The following HS3ST4 variants were observed in gnomAD, a reference collection of about 807,000 sequenced individuals.
HS3ST4 encodes the protein heparan sulfate-glucosamine 3-sulfotransferase 4.
HS3ST4 carries 17 observed loss-of-function variants against 29.2 expected under a neutral mutation model. The observed-to-expected ratio is 0.58, with a 90% CI of 0.40 to 0.87. The LOEUF is 0.87. HS3ST4 is among the 40% of genes least tolerant of loss of function. The pLI, the probability that HS3ST4 is intolerant of heterozygous loss-of-function variation, is 0.00. For synonymous variants in HS3ST4, 314 were observed against 285.7 expected, an observed-to-expected ratio of 1.10 and a Z score of -1.00; for missense variants, 627 against 634.5, an observed-to-expected ratio of 0.99 and a Z score of 0.13.
intron 1 of HS3ST4, among the ~76,000 whole-genome samples, chr16:26,121,423 T>G (rs1242777813): frequency 6.6e-6 from 1 of 152,228 alleles, no homozygotes; most frequent in Non-Finnish European, 1.5e-5. Flanking sequence ...GGAAGTCATC[T>G]TCTGAAAGAG....
chr16:25,916,605 G>T (rs201399363), intron 1 of HS3ST4, among the ~76,000 whole-genome samples: 1 of 149,760 alleles, frequency 6.7e-6, no homozygotes, highest in Admixed American at 6.6e-5. Context: ...CAGATGATCC[G>T]CCCGCCTTGG....
chr16:26,014,895 T>C (rs1223431365), intron 1 of HS3ST4, among the ~76,000 whole-genome samples: 1 of 152,214 alleles, frequency 6.6e-6, no homozygotes, highest in African/African-American at 2.4e-5. Flanking sequence ...TCCAGAGCTC[T>C]TTCCACCACA....
At chr16:26,019,369 C>A (rs1325322220) in intron 1 of HS3ST4, among the ~76,000 whole-genome samples, 1 of 152,144 alleles carries the variant, frequency 6.6e-6, no homozygotes, top group Non-Finnish European at 1.5e-5. Flanking sequence ...TATTTTAATG[C>A]TCTTAAGCAT....
intron 1 of HS3ST4, among the ~76,000 whole-genome samples, chr16:25,767,951 T>C (rs1382212230): frequency 3.9e-5 from 6 of 152,172 alleles, no homozygotes; most frequent in African/African-American, 1.2e-4. Context: ...TAAGGGTGGG[T>C]ACATGAACGA....
At chr16:25,816,149 C>T (rs1596579581) in intron 1 of HS3ST4, among the ~76,000 whole-genome samples, 3 of 152,126 alleles carry the variant, frequency 2.0e-5, no homozygotes, top group African/African-American at 7.2e-5. Context: ...ATCATGTGAC[C>T]ATGATTTACT....
intron 1 of HS3ST4, among the ~76,000 whole-genome samples, chr16:25,705,788 G>A (rs2141582636): frequency 6.6e-6 from 1 of 152,330 alleles, no homozygotes; most frequent in African/African-American, 2.4e-5. Flanking sequence ...GCATAGATTG[G>A]TGTGTAGAGC....
At chr16:26,108,640 G>C (rs921175830) in intron 1 of HS3ST4, among the ~76,000 whole-genome samples, 6 of 152,074 alleles carry the variant, frequency 3.9e-5, no homozygotes, top group South Asian at 4.1e-4. Flanking sequence ...TCACCCCAGA[G>C]GATCATTTTA....
In HS3ST4 at chr16:25,810,631, C is replaced by T. The variant is rs145818011; in HGVS notation, c.734+117480C>T. 1.4e-4 allele frequency among the ~76,000 whole-genome samples: 21 copies of T among 152,284 alleles called. No homozygotes were observed. In the East Asian group the frequency reaches 3.9e-3, roughly 28 times the overall value. On this transcript the variant is annotated intron_variant, in intron 1 of 1. Transcript: ENST00000331351. ...CAGGTTCTGTTGTTTGGTGAGTACA[C>T]ATTTAGAACCATTCTTTTACTCATT...
At chr16:25,888,795 A>AACAACAACAACAACAAC (rs1567265448) in intron 1 of HS3ST4, among the ~76,000 whole-genome samples, 1 of 149,652 alleles carries the variant, frequency 6.7e-6, no homozygotes, top group African/African-American at 2.4e-5. Context: ...ACAACAACAA[A>AACAACAACAACAACAAC]ACAACAACAA....
At chr16:25,885,716 A>G (rs914898817) in intron 1 of HS3ST4, among the ~76,000 whole-genome samples, 2 of 151,922 alleles carry the variant, frequency 1.3e-5, no homozygotes, top group Admixed American at 6.6e-5. Flanking sequence ...ATAGAGTATC[A>G]CACATATATG....
rs148891440 is a variant in HS3ST4, at chr16:25,969,419, G to A, written c.735-166193G>A. 8.8e-3 allele frequency among the ~76,000 whole-genome samples: 1,337 copies of A among 152,330 alleles called. 23 individuals carry two copies. Among genetic ancestry groups the A allele is most frequent in the African/African-American group, 0.031 (1,296 of 41,572 alleles). On this transcript the variant is annotated intron_variant, in intron 1 of 1. Transcript: ENST00000331351. ...AAGAATAGTGCTATCCAGCGCTGCT[G>A]GTGGCGGTCCTAGCAATCCGCTTGT... is the stretch of plus-strand genomic sequence containing the variant.
chr16:25,693,126 T>A lies in HS3ST4; in HGVS notation c.709T>A (p.Tyr237Asn), dbSNP rs1477920543. The A allele has an allele frequency of 6.2e-7, 1 of 1,607,838 alleles. No individual in the cohort carries two copies. Among genetic ancestry groups the A allele is most frequent in the Non-Finnish European group, 8.5e-7 (1 of 1,177,432 alleles). The change falls in exon 1 of 2, where the codon TAC becomes AAC. Residue 237 changes from tyrosine (Y) to asparagine (N), a missense_variant. Around this residue, in one of 2 missense-constraint regions of HS3ST4, gnomAD observed 225 missense variants for 293.7 expected, o/e 0.77. Transcript: ENST00000331351. The stretch of plus-strand genomic sequence containing the variant: ...AGAGCCGCACTTCTTCGACAGGAAC[T>A]ACGAAAAGGGGTTGGAGTGGTACAG... ...GVEPHFFDRN[Y>N]EKGLEWYRNV... is the part of the protein sequence containing the mutation.
chr16:25,984,028 T>C (rs1244478509), intron 1 of HS3ST4, among the ~76,000 whole-genome samples: 2 of 152,158 alleles, frequency 1.3e-5, no homozygotes, highest in Non-Finnish European at 2.9e-5. Context: ...ATCAGGGTAA[T>C]TTGCATATCC....
chr16:25,808,848 T>C (rs566067173), intron 1 of HS3ST4, among the ~76,000 whole-genome samples: 1 of 152,250 alleles, frequency 6.6e-6, no homozygotes, highest in East Asian at 1.9e-4. Context: ...TTATAACTAT[T>C]TTATTTTCTT....
At chr16:25,980,081 A>G (rs112534985) in intron 1 of HS3ST4, among the ~76,000 whole-genome samples, 1 of 151,926 alleles carries the variant, frequency 6.6e-6, no homozygotes, top group Non-Finnish European at 1.5e-5. Context: ...TCTGTTCTTC[A>G]CATGGCAAGT....
intron 1 of HS3ST4, among the ~76,000 whole-genome samples, chr16:25,847,476 T>A (rs527880924): frequency 7.9e-5 from 12 of 152,186 alleles, no homozygotes; most frequent in Non-Finnish European, 1.8e-4. Flanking sequence ...TTAACTCCCT[T>A]CAGTTTTGTT....
At chr16:25,786,385 AAAGGG>A (rs1966857710) in intron 1 of HS3ST4, among the ~76,000 whole-genome samples, 1 of 152,216 alleles carries the variant, frequency 6.6e-6, no homozygotes, top group Admixed American at 6.5e-5. Context: ...TACCTGCCTT[AAAGGG>A]TTGAGAGGAT....
At chr16:26,131,017 T>A (rs989656833) in intron 1 of HS3ST4, among the ~76,000 whole-genome samples, 8 of 152,270 alleles carry the variant, frequency 5.3e-5, no homozygotes, top group Non-Finnish European at 4.4e-5. Context: ...TGCTACCATG[T>A]AGCCACTGGC....
chr16:25,763,115 T>C (rs1213513474), intron 1 of HS3ST4, among the ~76,000 whole-genome samples: 1 of 152,030 alleles, frequency 6.6e-6, no homozygotes, highest in East Asian at 1.9e-4. Flanking sequence ...ACTATTTCCA[T>C]CTTAGAGCAG....
Sources: gnomAD v4.1 joint callset for allele counts (sites outside exome capture counted in the v4.1 genomes callset) on GRCh38, gnomAD v4.1.1 for gene constraint, gnomAD v4.1.1 regional missense constraint, MANE v1.5 for transcripts, NCBI Gene and HGNC (gene_info 2026-07-23, HGNC 2026-07-21) for gene names.